The following MBOAT1 variants were observed in gnomAD, a reference collection of about 807,000 sequenced individuals.
The protein encoded by MBOAT1 is membrane-bound glycerophospholipid O-acyltransferase 1.
MBOAT1 carries 67 observed loss-of-function variants against 64.4 expected under a neutral mutation model. That is an observed-to-expected ratio of 1.04 (90% CI 0.85 to 1.27). The LOEUF is 1.27. Ranked by LOEUF, MBOAT1 falls within the 50% of genes most tolerant of loss-of-function variation. The probability of loss-of-function intolerance (pLI) is 0.00; values close to 1 mark genes in which losing one functional copy is unlikely to be tolerated. For missense variants in MBOAT1, 563 were observed against 604.6 expected, an observed-to-expected ratio of 0.93 and a Z score of 0.72; for synonymous variants, 229 against 218.9, an observed-to-expected ratio of 1.05 and a Z score of -0.41.
intron 5 of MBOAT1, 137 bp from the exon 6 acceptor site, chr6:20,128,890 A>AT (rs200663812): frequency 0.013 from 7,425 of 553,598 alleles, no homozygotes; most frequent in South Asian, 0.018. Context: ...CCTGTTTTTC[A>AT]TTTTTTTTTA....
At chr6:20,165,073 G>A (rs899371284) in intron 1 of MBOAT1, among the ~76,000 whole-genome samples, 3 of 152,182 alleles carry the variant, frequency 2.0e-5, no homozygotes, top group African/African-American at 7.2e-5. Flanking sequence ...TCAACTTAGA[G>A]TGGGTTTTTT....
chr6:20,113,388 A>C (rs1760231231), intron 10 of MBOAT1, among the ~76,000 whole-genome samples: 2 of 152,226 alleles, frequency 1.3e-5, no homozygotes, highest in Non-Finnish European at 2.9e-5. Context: ...TGCTTAAGTA[A>C]GTGCCATTGG....
chr6:20,204,413 G>A (rs62397950), intron 1 of MBOAT1, among the ~76,000 whole-genome samples: 5,969 of 152,332 alleles, frequency 0.039, 127 homozygotes, highest in Middle Eastern at 0.054. Context: ...ACAGCGCTCA[G>A]TAAGTAACTA....
At position 20,206,420 on chromosome 6, in the gene MBOAT1, C is replaced by T. The variant is rs190856017; in HGVS notation, c.99+5716G>A. Among the ~76,000 whole-genome samples the T allele has an allele frequency of 5.3e-5, 8 of 152,274 alleles. No homozygotes were observed. The East Asian group carries it at 5.8e-4, about 11-fold the overall frequency. ...AACTCCTGACCTCAGGTGATCTGGC[C>T]GCCTCGGCCTCCCAAAGTGCTGGGA... On this transcript the variant is annotated intron_variant, in intron 1 of 12. Transcript: ENST00000324607.
rs1456803804 is a variant in MBOAT1, at chr6:20,191,042, T to C, written c.99+21094A>G. 2.0e-5 allele frequency among the ~76,000 whole-genome samples: 3 copies of C among 152,268 alleles called. No homozygotes were observed. The South Asian group carries it at 6.2e-4, about 31-fold the overall frequency. Reference sequence around the variant, plus strand: ...CTCCTCAAACAGCCAATAATTGCTATCATATCTGCTGTGGTTTGAATATGT... The same window carrying C: ...CTCCTCAAACAGCCAATAATTGCTACCATATCTGCTGTGGTTTGAATATGT... On this transcript the variant is annotated intron_variant, in intron 1 of 12. Coordinates refer to ENST00000324607, the MANE Select transcript of MBOAT1 (RefSeq NM_001080480.3).
At chr6:20,174,597 CTT>C (rs1762289658) in intron 1 of MBOAT1, among the ~76,000 whole-genome samples, 1 of 152,170 alleles carries the variant, frequency 6.6e-6, no homozygotes, top group Non-Finnish European at 1.5e-5. Flanking sequence ...TGAGTGTACA[CTT>C]TTATACAACT....
chr6:20,209,037 A>G (rs1763346492), intron 1 of MBOAT1, among the ~76,000 whole-genome samples: 1 of 152,214 alleles, frequency 6.6e-6, no homozygotes. Context: ...ACAGGAGCAG[A>G]TGATTCCTTG....
chr6:20,210,427 TAC>T (rs1226316168), intron 1 of MBOAT1, among the ~76,000 whole-genome samples: 1 of 152,172 alleles, frequency 6.6e-6, no homozygotes, highest in Non-Finnish European at 1.5e-5. Flanking sequence ...TAAAATAAGC[TAC>T]CTGGGGCACT....
chr6:20,110,820 T>C (rs941194244), intron 11 of MBOAT1, among the ~76,000 whole-genome samples: 1 of 152,192 alleles, frequency 6.6e-6, no homozygotes, highest in Non-Finnish European at 1.5e-5. Context: ...TTTGGAAAAG[T>C]TAGCTTGTCT....
intron 1 of MBOAT1, among the ~76,000 whole-genome samples, chr6:20,178,594 A>C (rs1325935384): frequency 6.6e-6 from 1 of 152,244 alleles, no homozygotes; most frequent in East Asian, 1.9e-4. Context: ...TCCCTGGAAC[A>C]CATGTGTTAG....
intron 1 of MBOAT1, among the ~76,000 whole-genome samples, chr6:20,184,611 T>C (rs1389376247): frequency 1.3e-5 from 2 of 152,094 alleles, no homozygotes; most frequent in South Asian, 4.2e-4. Flanking sequence ...CTCCGCCAAA[T>C]GAACCATGGA....
At chr6:20,191,214 G>A (rs1025592377) in intron 1 of MBOAT1, among the ~76,000 whole-genome samples, 22 of 152,138 alleles carry the variant, frequency 1.4e-4, no homozygotes, top group Non-Finnish European at 1.9e-4. Flanking sequence ...GTGCCTCTCT[G>A]TCTCACACAC....
intron 1 of MBOAT1, among the ~76,000 whole-genome samples, chr6:20,192,126 A>G (rs2113757329): frequency 6.6e-6 from 1 of 152,312 alleles, no homozygotes; most frequent in East Asian, 1.9e-4. Context: ...ACTGATAAGA[A>G]CTAACGTTTA....
chr6:20,124,605 A>C lies in MBOAT1; in HGVS notation c.715-5T>G. 1.2e-6 allele frequency: 2 copies of C among 1,613,558 alleles called. No homozygotes were observed. ...CAACTTGTGTATCACAGCTCCCTGA[A>C]AATGGGGAAAAATCAGTGTCACCGT... On this transcript the variant is annotated splice_region_variant and splice_polypyrimidine_tract_variant and intron_variant, in intron 7 of 12. Transcript: ENST00000324607.
chr6:20,175,702 G>A (rs1387494538), intron 1 of MBOAT1, among the ~76,000 whole-genome samples: 1 of 151,146 alleles, frequency 6.6e-6, no homozygotes, highest in East Asian at 2.0e-4. Context: ...AAACTCCTGA[G>A]CTCAGGCAAT....
chr6:20,207,341 T>C (rs1036560491), intron 1 of MBOAT1, among the ~76,000 whole-genome samples: 1 of 152,202 alleles, frequency 6.6e-6, no homozygotes, highest in Non-Finnish European at 1.5e-5. Context: ...TTGACTATAG[T>C]AATGGCTCTC....
rs1326791426 is a variant in MBOAT1, at chr6:20,128,757, T to C, written c.476-4A>G. On this transcript the variant is annotated splice_polypyrimidine_tract_variant and splice_region_variant and intron_variant, in intron 5 of 12. Coordinates refer to ENST00000324607, the MANE Select transcript of MBOAT1 (RefSeq NM_001080480.3). The stretch of plus-strand genomic sequence containing the variant: ...TCTTCAGCTCTTCGACCTAATCCTA[T>C]GAAAAAGAAAAGAATTTAGAAATAA... 1.3e-6 allele frequency: 2 copies of C among 1,592,704 alleles called. No individual in the cohort carries two copies. The highest frequency in any genetic ancestry group is 1.2e-5 in the South Asian group (1 of 86,348).
chr6:20,180,545 G>A (rs1762480121), intron 1 of MBOAT1, among the ~76,000 whole-genome samples: 1 of 152,128 alleles, frequency 6.6e-6, no homozygotes, highest in Non-Finnish European at 1.5e-5. Context: ...ACAGCTCTGT[G>A]TCACTCATAC....
chr6:20,129,568 A>T (rs1413148094), intron 5 of MBOAT1, among the ~76,000 whole-genome samples: 2 of 152,204 alleles, frequency 1.3e-5, no homozygotes, highest in African/African-American at 4.8e-5. Context: ...CAGGAAAAAA[A>T]AAAAAGGCGA....
Sources: allele counts gnomAD v4.1 joint callset (sites outside exome capture counted in the v4.1 genomes callset), GRCh38; gene constraint gnomAD v4.1.1; transcripts MANE v1.5; gene names NCBI Gene and HGNC (gene_info 2026-07-23, HGNC 2026-07-21).